Variants in LIG1 observed in about 807,000 individuals in gnomAD.
LIG1 encodes the protein DNA ligase 1.
A neutral mutation model predicts 115.7 loss-of-function variants in LIG1; 70 were observed. The ratio of observed to expected loss-of-function variants is 0.60; its 90% CI spans 0.50 to 0.74. The LOEUF is 0.74. LIG1 is among the 30% of genes least tolerant of loss of function. The probability of loss-of-function intolerance (pLI) is 0.00; values close to 1 mark genes in which losing one functional copy is unlikely to be tolerated. For missense variants in LIG1, 1,115 were observed against 1,225.6 expected, an observed-to-expected ratio of 0.91 and a Z score of 1.35; for synonymous variants, 487 against 495.3, an observed-to-expected ratio of 0.98 and a Z score of 0.22.
intron 1 of LIG1, among the ~76,000 whole-genome samples, chr19:48,167,281 A>T (rs1385197831): frequency 2.0e-5 from 3 of 152,008 alleles, no homozygotes; most frequent in Non-Finnish European, 4.4e-5. Context: ...TATATTTTTT[A>T]AAAAAGGACT....
intron 16 of LIG1, among the ~76,000 whole-genome samples, chr19:48,134,338 C>T (rs1386451378): frequency 6.6e-6 from 1 of 152,166 alleles, no homozygotes; most frequent in Non-Finnish European, 1.5e-5. Flanking sequence ...GGAGACCACT[C>T]AAGAATACAG....
At chr19:48,133,413 A>C in intron 17 of LIG1, 1 of 397,994 alleles carries the variant, frequency 2.5e-6, no homozygotes, top group South Asian at 2.4e-5. Flanking sequence ...CAGGGAAGTG[A>C]GCCACATTTG....
chr19:48,135,194 C>T (rs561574568), intron 16 of LIG1, among the ~76,000 whole-genome samples: 4 of 152,206 alleles, frequency 2.6e-5, no homozygotes, highest in Admixed American at 1.3e-4. Context: ...CAGGCTGGAA[C>T]GCAGTGGCGT....
Position 48,160,322 on chromosome 19 carries a change from G to A in LIG1, c.243+1050C>T, listed in dbSNP as rs118066900. ...AAGAAAGCAGGGGACTGAGCCAGGC[G>A]TGTATCTGGGAAAGAGAGTTTTAGG... On this transcript the variant is annotated intron_variant, in intron 4 of 27. Coordinates refer to ENST00000263274, the MANE Select transcript of LIG1 (RefSeq NM_000234.3). Among the ~76,000 whole-genome samples, 349 of 152,336 alleles carry A rather than the reference G, an allele frequency of 2.3e-3. 1 individual carries two copies. The highest frequency in any genetic ancestry group is 1.9e-3 in the South Asian group (9 of 4,832).
chr19:48,161,080 T>C (rs2036148006), intron 4 of LIG1: 2 of 468,738 alleles, frequency 4.3e-6, no homozygotes, highest in Non-Finnish European at 7.9e-6. Context: ...CAGATCTGTA[T>C]GTAAATCGAC....
Position 48,150,164 on chromosome 19 carries a change from C to T in LIG1, c.621G>A (p.Thr207=), listed in dbSNP as rs770202970. Residue 207 remains threonine, a synonymous_variant, in exon 8 of 28, where the codon ACG becomes ACA. Transcript: ENST00000263274. ...CTTCCTCCTCCTGCAGTTCCTGCTT[C>T]GTGGCCACCTCAGGCTCTGAAACGC... ...TESVSEPEVA[T]KQELQEEEEQ... The T allele has an allele frequency of 3.7e-6, 6 of 1,614,182 alleles. No homozygotes were observed. The highest frequency in any genetic ancestry group is 4.5e-5 in the East Asian group (2 of 44,886).
At chr19:48,135,977 G>A (rs569420754) in intron 15 of LIG1, 57 bp downstream of exon 15, 21 of 1,412,226 alleles carry the variant, frequency 1.5e-5, no homozygotes, top group Non-Finnish European at 1.8e-5. Flanking sequence ...TGAAGAGGAG[G>A]GGGGAAGCCT....
chr19:48,136,867 T>C (rs1012441864), intron 14 of LIG1, 141 bp downstream of exon 14: 3 of 744,948 alleles, frequency 4.0e-6, no homozygotes, highest in East Asian at 2.7e-5. Context: ...TCCCACTCTT[T>C]AGGGGCTGGG....
intron 11 of LIG1, 62 bp downstream of exon 11, chr19:48,143,481 C>T (rs1355690357): frequency 8.6e-7 from 1 of 1,162,200 alleles, no homozygotes; most frequent in Non-Finnish European, 1.3e-6. Context: ...GCACAGACCG[C>T]CATGCAGAGG....
At chr19:48,161,099 T>G in intron 4 of LIG1, 2 of 522,676 alleles carry the variant, frequency 3.8e-6, no homozygotes, top group Non-Finnish European at 7.0e-6. Flanking sequence ...ACTCATTTCA[T>G]CTTCCCAGTC....
chr19:48,121,529 C>T (rs1217859227), intron 23 of LIG1, among the ~76,000 whole-genome samples: 3 of 152,124 alleles, frequency 2.0e-5, no homozygotes, highest in Non-Finnish European at 2.9e-5. Flanking sequence ...GGGCCGGGCA[C>T]GGTGGCTCAT....
In LIG1 at chr19:48,140,202, G is replaced by C. The variant is rs2122678416; in HGVS notation, c.915-59C>G. 3 of 1,355,358 alleles carry C rather than the reference G, an allele frequency of 2.2e-6. No individual in the cohort carries two copies. The East Asian group carries it at 7.1e-5, about 32-fold the overall frequency. 84.0% of individuals were successfully genotyped at this position (1,355,358 alleles called of 1,614,324 possible). ...TCCTCAAGGTCAAAGTGTGGTGTCG[G>C]GGTGGGGTGGGTTTAAGGGGGTGGA... is the stretch of plus-strand genomic sequence containing the variant. On this transcript the variant is annotated intron_variant, in intron 11 of 27. Coordinates refer to ENST00000263274, the MANE Select transcript of LIG1 (RefSeq NM_000234.3).
chr19:48,121,150 C>T lies in LIG1; in HGVS notation c.2385+20G>A. On this transcript the variant is annotated intron_variant, in intron 24 of 27. Coordinates refer to ENST00000263274, the MANE Select transcript of LIG1 (RefSeq NM_000234.3). ...TCTCCTTCCCTCCTGCTTCTGCCATCAGCCCCAGTTCCCCAGGACCTTGCA... is the reference window on the plus strand; with the variant it reads ...TCTCCTTCCCTCCTGCTTCTGCCATTAGCCCCAGTTCCCCAGGACCTTGCA... 2 of 1,614,128 alleles carry T rather than the reference C, an allele frequency of 1.2e-6. No homozygotes were observed.
intron 12 of LIG1, among the ~76,000 whole-genome samples, chr19:48,139,445 C>T (rs1013915817): frequency 1.3e-5 from 2 of 152,156 alleles, no homozygotes. Flanking sequence ...GGATGCTGCC[C>T]CTTGCCTGCT....
In LIG1 at chr19:48,127,053, C is replaced by A. The variant is rs1434404365; in HGVS notation, c.2004+224G>T. On this transcript the variant is annotated intron_variant, in intron 21 of 27. Transcript: ENST00000263274. Reference sequence around the variant, plus strand: ...CAGGACCTGAGGAAGATCCACCTCACGCCAATGTGGAGTTGGAAAGAGAGG... The same window carrying A: ...CAGGACCTGAGGAAGATCCACCTCAAGCCAATGTGGAGTTGGAAAGAGAGG... The A allele has an allele frequency of 8.8e-6, 5 of 565,780 alleles. No individual in the cohort carries two copies. In the East Asian group the frequency reaches 1.5e-4, roughly 17 times the overall value. 35.0% of individuals were successfully genotyped at this position (565,780 alleles called of 1,614,324 possible).
intron 5 of LIG1, 143 bp from the exon 6 acceptor site, chr19:48,154,110 C>A: frequency 1.4e-6 from 1 of 735,356 alleles, no homozygotes; most frequent in Non-Finnish European, 2.5e-6. Context: ...TGCCCCAGTG[C>A]AGGCCGCACC....
At chr19:48,147,825 A>G (rs1599829150) in intron 9 of LIG1, among the ~76,000 whole-genome samples, 1 of 51,346 alleles carries the variant, frequency 1.9e-5, no homozygotes, top group South Asian at 6.5e-4. Flanking sequence ...TTGACTAGTG[A>G]AAAAAAAAAA....
At chr19:48,159,238 C>T (rs566162937) in intron 4 of LIG1, among the ~76,000 whole-genome samples, 4 of 152,256 alleles carry the variant, frequency 2.6e-5, no homozygotes, top group Non-Finnish European at 4.4e-5. Flanking sequence ...CCACCATGCC[C>T]GGCTAACTTT....
intron 1 of LIG1, among the ~76,000 whole-genome samples, chr19:48,167,413 C>T (rs912801773): frequency 6.6e-6 from 1 of 151,994 alleles, no homozygotes; most frequent in African/African-American, 2.4e-5. Flanking sequence ...CATGGGGTCC[C>T]CTTTCGTTTT....
Sources: gnomAD v4.1 joint callset for allele counts (sites outside exome capture counted in the v4.1 genomes callset) on GRCh38, gnomAD v4.1.1 for gene constraint, MANE v1.5 for transcripts, NCBI Gene and HGNC (gene_info 2026-07-23, HGNC 2026-07-21) for gene names.